Variants in PCDH9 observed in about 807,000 individuals in gnomAD.
PCDH9 encodes protocadherin-9.
PCDH9 carries 24 observed loss-of-function variants against 70.6 expected under a neutral mutation model. That is an observed-to-expected ratio of 0.34 (90% confidence interval 0.25 to 0.48). PCDH9 has a LOEUF of 0.48. Among genes scored for constraint, PCDH9 ranks in the 20% least tolerant of loss-of-function variants. The pLI is 0.99. For synonymous variants in PCDH9, 562 were observed against 558.5 expected, an observed-to-expected ratio of 1.01 and a Z score of -0.09; for missense variants, 1,281 against 1,503.6, an observed-to-expected ratio of 0.85 and a Z score of 2.45.
At chr13:66,880,617 A>G (rs780140803) in intron 3 of PCDH9, among the ~76,000 whole-genome samples, 1 of 152,182 alleles carries the variant, frequency 6.6e-6, no homozygotes, top group Non-Finnish European at 1.5e-5. Context: ...TCTAGTCTCA[A>G]TATGAATAAT....
intron 4 of PCDH9, among the ~76,000 whole-genome samples, chr13:66,416,981 C>A (rs890041913): frequency 6.6e-6 from 1 of 152,126 alleles, no homozygotes; most frequent in Non-Finnish European, 1.5e-5. Flanking sequence ...AAGTATTGGA[C>A]TATTTCTGTA....
intron 2 of PCDH9, among the ~76,000 whole-genome samples, chr13:67,139,329 G>T (rs1243563390): frequency 6.6e-6 from 1 of 152,104 alleles, no homozygotes; most frequent in African/African-American, 2.4e-5. Context: ...ACTCTTAACC[G>T]CTATTACCAA....
intron 4 of PCDH9, among the ~76,000 whole-genome samples, chr13:66,467,187 G>A (rs912787901): frequency 1.3e-5 from 2 of 152,066 alleles, no homozygotes; most frequent in African/African-American, 4.8e-5. Flanking sequence ...GGTAATAGAT[G>A]TTTAGATGTT....
chr13:67,134,413 C>G (rs1249848260), intron 2 of PCDH9, among the ~76,000 whole-genome samples: 1 of 152,044 alleles, frequency 6.6e-6, no homozygotes, highest in Non-Finnish European at 1.5e-5. Context: ...CTCTAATTCA[C>G]CATGGTTCCT....
At chr13:66,796,131 T>C (rs1417703845) in intron 3 of PCDH9, among the ~76,000 whole-genome samples, 1 of 152,208 alleles carries the variant, frequency 6.6e-6, no homozygotes, top group African/African-American at 2.4e-5. Flanking sequence ...CAGTTTTCAC[T>C]ATCCCTTGGC....
chr13:67,173,761 T>C (rs539614745), intron 2 of PCDH9, among the ~76,000 whole-genome samples: 32 of 152,230 alleles, frequency 2.1e-4, no homozygotes, highest in Non-Finnish European at 4.3e-4. Flanking sequence ...AATGCTGTTT[T>C]ATGCCTCCAG....
chr13:66,636,922 A>G (rs1258068851), intron 3 of PCDH9, among the ~76,000 whole-genome samples: 2 of 152,142 alleles, frequency 1.3e-5, no homozygotes, highest in African/African-American at 4.8e-5. Context: ...ATATTTTCAT[A>G]TATATCTCTT....
chr13:66,579,304 C>A (rs866646818), intron 4 of PCDH9, among the ~76,000 whole-genome samples: 2 of 151,952 alleles, frequency 1.3e-5, no homozygotes, highest in South Asian at 4.2e-4. Flanking sequence ...AAATCTACTA[C>A]ATAAAATGAC....
At chr13:66,375,798 C>T (rs1381656177) in intron 4 of PCDH9, among the ~76,000 whole-genome samples, 31 of 151,872 alleles carry the variant, frequency 2.0e-4, no homozygotes, top group Admixed American at 1.6e-3. Context: ...GATATATTCC[C>T]CCTCAAGAAT....
intron 4 of PCDH9, among the ~76,000 whole-genome samples, chr13:66,560,406 C>A (rs544412038): frequency 1.3e-5 from 2 of 152,134 alleles, no homozygotes; most frequent in East Asian, 3.9e-4. Context: ...CCTGAGGGAC[C>A]AACACAATGT....
chr13:66,644,363 T>C (rs2138972689), intron 3 of PCDH9, among the ~76,000 whole-genome samples: 1 of 151,992 alleles, frequency 6.6e-6, no homozygotes, highest in East Asian at 1.9e-4. Context: ...AAAACTGTGT[T>C]CAATAAGACA....
chr13:66,400,902 C>T (rs182341071), intron 4 of PCDH9, among the ~76,000 whole-genome samples: 2 of 152,200 alleles, frequency 1.3e-5, no homozygotes, highest in Admixed American at 6.5e-5. Context: ...GAAGTTAAGA[C>T]GAGTCCACCA....
intron 3 of PCDH9, among the ~76,000 whole-genome samples, chr13:66,721,542 T>G (rs914337947): frequency 4.2e-5 from 6 of 143,862 alleles, no homozygotes; most frequent in African/African-American, 1.5e-4. Flanking sequence ...TATTTTAGTG[T>G]TTTTTTTTCT....
chr13:66,317,244 A>G (rs1369528156), intron 4 of PCDH9, among the ~76,000 whole-genome samples: 1 of 152,192 alleles, frequency 6.6e-6, no homozygotes, highest in Admixed American at 6.5e-5. Context: ...ACTGAGCCTC[A>G]GACTGGTGAG....
At chr13:66,876,781 A>G (rs1463334738) in intron 3 of PCDH9, 2 of 152,150 alleles carry the variant, frequency 1.3e-5, no homozygotes, top group African/African-American at 2.4e-5. Flanking sequence ...TATAGTAAAG[A>G]AAATCTGATA....
intron 2 of PCDH9, among the ~76,000 whole-genome samples, chr13:67,022,985 T>C (rs2084708719): frequency 6.6e-6 from 1 of 152,198 alleles, no homozygotes; most frequent in East Asian, 1.9e-4. Context: ...TTGATACAAA[T>C]TGAATCTGAA....
intron 4 of PCDH9, among the ~76,000 whole-genome samples, chr13:66,456,004 T>G (rs2138439942): frequency 6.6e-6 from 1 of 152,276 alleles, no homozygotes; most frequent in Non-Finnish European, 1.5e-5. Context: ...TTCATTTATC[T>G]GATTTGAAGG....
Position 66,304,260 on chromosome 13 carries a change from CAA to C in PCDH9, c.*393_*394del, listed in dbSNP as rs55837718. ...TAGCAGTCCCAGCACAAATCAATGACAAAAAAAAAAAAAAAAAAAAAAAAAAG... is the reference window on the plus strand; with the variant it reads ...TAGCAGTCCCAGCACAAATCAATGACAAAAAAAAAAAAAAAAAAAAAAAAG... On this transcript the variant is annotated 3_prime_UTR_variant, in exon 5 of 5. Coordinates refer to ENST00000377865, the MANE Select transcript of PCDH9 (RefSeq NM_203487.3). 663 of 65,498 alleles carry C rather than the reference CAA, an allele frequency of 0.01. 1 individual carries two copies. Among genetic ancestry groups the C allele is most frequent in the African/African-American group, 0.037 (577 of 15,540 alleles). 4.1% of individuals were successfully genotyped at this position (65,498 alleles called of 1,614,324 possible). A position where few individuals can be genotyped will look rare whatever the true frequency, so the allele number is the denominator to read the frequency against.
rs577108298 is a variant in PCDH9 at position 66,942,031 on chromosome 13, T to C, written c.3037-38426A>G. Among the ~76,000 whole-genome samples the C allele has an allele frequency of 7.2e-5, 11 of 151,952 alleles. No individual in the cohort carries two copies. In the South Asian group the frequency reaches 2.3e-3, roughly 31 times the overall value. On this transcript the variant is annotated intron_variant, in intron 2 of 4. Transcript: ENST00000377865. ...AGAAGGACTTCTGAAAATTTTCAAA[T>C]ATTTGTAAACGAAGTACTACACTTC... is the stretch of plus-strand genomic sequence containing the variant.
Sources: gnomAD v4.1 joint callset for allele counts (sites outside exome capture counted in the v4.1 genomes callset) on GRCh38, gnomAD v4.1.1 for gene constraint, MANE v1.5 for transcripts, NCBI Gene and HGNC (gene_info 2026-07-23, HGNC 2026-07-21) for gene names.